Variants in TMEM143 observed in about 807,000 individuals in gnomAD.
The protein encoded by TMEM143 is transmembrane protein 143.
TMEM143 carries 45 observed loss-of-function variants against 40.3 expected under a neutral mutation model. That is an observed-to-expected ratio of 1.12 (90% CI 0.88 to 1.43). TMEM143 has a LOEUF of 1.43. Among genes scored for constraint, TMEM143 ranks in the 40% most tolerant of loss-of-function variants. The pLI is 0.00. For missense variants in TMEM143, 620 were observed against 613.4 expected (o/e 1.01, Z -0.11); for synonymous variants, 299 against 282.7 (o/e 1.06, Z -0.58).
rs201437104 is a variant in TMEM143, at chr19:48,361,533, TTC to T, written c.265-1359_265-1358del. On this transcript the variant is annotated intron_variant, in intron 2 of 7. Transcript: ENST00000293261. ...ATGCCTGGCCTTGAACCACTTCTTC[TTC>T]TTTTTTTTTTTTTGAGATGGAGTCT... 8.5e-3 allele frequency among the ~76,000 whole-genome samples: 562 copies of T among 65,846 alleles called. 8 individuals carry two copies. The highest frequency in any genetic ancestry group is 0.082 in the East Asian group (137 of 1,672). The allele number at this position is 65,846 out of a possible 152,430, so 43.2% of individuals were successfully genotyped here. A position where few individuals can be genotyped will look rare whatever the true frequency, so the allele number is the denominator to read the frequency against.
At chr19:48,352,262 A>AAAACAAAACAAACAAAAAAAAAAAC (rs74518287) in intron 3 of TMEM143, among the ~76,000 whole-genome samples, 7 of 145,186 alleles carry the variant, frequency 4.8e-5, no homozygotes, top group Non-Finnish European at 7.6e-5. Context: ...AAAAAAAAAA[A>AAAACAAAACAAACAAAAAAAAAAAC]CACCATATCT....
chr19:48,345,206 G>A lies in TMEM143; in HGVS notation c.518C>T (p.Thr173Ile). Residue 173 changes from threonine (T) to isoleucine (I), a missense_variant, in exon 4 of 8, where the codon ACC (threonine) becomes ATC (isoleucine). By Grantham distance (89) the Thr-to-Ile change is moderately conservative. Coordinates refer to ENST00000293261, the MANE Select transcript of TMEM143 (RefSeq NM_018273.4). ...QANFSPLSED[T>I]LAYALVVHHP... ...GTGGACCACCAGCGCGTAGGCCAGG[G>A]TGTCCTCAGACAGCGGGGAGAAGTT... 1 of 1,613,680 alleles carries A rather than the reference G, an allele frequency of 6.2e-7. No homozygotes were observed. The highest frequency in any genetic ancestry group is 8.5e-7 in the Non-Finnish European group (1 of 1,179,778).
chr19:48,356,649 G>A (rs1334332114), intron 3 of TMEM143, among the ~76,000 whole-genome samples: 6 of 144,418 alleles, frequency 4.2e-5, no homozygotes, highest in Non-Finnish European at 9.0e-5. Flanking sequence ...CCAGGCTGCA[G>A]TGCAATGGTG....
chr19:48,363,806 G>A, intron 1 of TMEM143, 92 bp downstream of exon 1: 17 of 1,591,392 alleles, frequency 1.1e-5, no homozygotes, highest in Non-Finnish European at 1.5e-5. Context: ...CAGCGAGGTA[G>A]ATCTTAGGAG....
intron 6 of TMEM143, among the ~76,000 whole-genome samples, chr19:48,337,433 G>A (rs34841300): frequency 0.014 from 2,171 of 152,094 alleles, 27 homozygotes; most frequent in Middle Eastern, 0.12. Flanking sequence ...TGTAATCCCA[G>A]CCACTTGGGA....
chr19:48,363,743 G>T, intron 1 of TMEM143, 155 bp downstream of exon 1: 1 of 1,423,564 alleles, frequency 7.0e-7, no homozygotes, highest in Non-Finnish European at 9.7e-7. Flanking sequence ...GTTCTGGGGC[G>T]TTTTTCAGGC....
intron 4 of TMEM143, 134 bp downstream of exon 4, chr19:48,345,026 G>T: frequency 1.0e-6 from 1 of 953,708 alleles, no homozygotes; most frequent in Non-Finnish European, 1.5e-6. Flanking sequence ...CCCCTTCTCT[G>T]AGTTCACCAA....
At chr19:48,334,464 T>TTC (rs1389014031) in intron 6 of TMEM143, among the ~76,000 whole-genome samples, 3 of 50,752 alleles carry the variant, frequency 5.9e-5, no homozygotes, top group Admixed American at 2.2e-4. Flanking sequence ...CTTTCTTTCT[T>TTC]TCTTTCTTTC....
In TMEM143 at chr19:48,360,817, C is replaced by T. The variant is rs558729903; in HGVS notation, c.265-641G>A. Among the ~76,000 whole-genome samples, 8 of 152,142 alleles carry T rather than the reference C, an allele frequency of 5.3e-5. No homozygotes were observed. In the South Asian group the frequency reaches 1.2e-3, roughly 24 times the overall value. ...TTATTATTATGTTGAGACAGAGTCT[C>T]GTTCTGTCACCCAGGCTGGAGCTCA... On this transcript the variant is annotated intron_variant, in intron 2 of 7. Coordinates refer to ENST00000293261, the MANE Select transcript of TMEM143 (RefSeq NM_018273.4).
chr19:48,352,246 C>CAAAAAAAA lies in TMEM143; in HGVS notation c.370-6900_370-6893dup, dbSNP rs1231759805. Among the ~76,000 whole-genome samples the CAAAAAAAA allele has an allele frequency of 2.9e-4, 12 of 41,568 alleles. 3 individuals carry two copies. Among genetic ancestry groups the CAAAAAAAA allele is most frequent in the African/African-American group, 5.0e-4 (5 of 9,964 alleles). The allele number at this position is 41,568 out of a possible 152,430, so 27.3% of individuals were successfully genotyped here. A position where few individuals can be genotyped will look rare whatever the true frequency, so the allele number is the denominator to read the frequency against. ...TGGGTGACAGAGTGAGACTCTGTCT[C>CAAAAAAAA]AAAAAAAAAAAAAAAACACCATATC... On this transcript the variant is annotated intron_variant, in intron 3 of 7. Transcript: ENST00000293261.
chr19:48,338,894 G>A (rs1429546940), intron 6 of TMEM143, among the ~76,000 whole-genome samples: 3 of 152,216 alleles, frequency 2.0e-5, no homozygotes, highest in Non-Finnish European at 4.4e-5. Context: ...TGAGGGTGAG[G>A]GGTGAGCAGG....
intron 5 of TMEM143, 52 bp from the exon 6 acceptor site, chr19:48,342,861 G>A: frequency 1.3e-6 from 2 of 1,538,140 alleles, no homozygotes; most frequent in Non-Finnish European, 1.8e-6. Flanking sequence ...ACTGCCCGGG[G>A]AGCCCCCTCC....
In TMEM143 at chr19:48,334,130, G is replaced by C. The variant is rs1969286815; in HGVS notation, c.1043C>G (p.Ser348Cys). The C allele has an allele frequency of 6.2e-7, 1 of 1,607,328 alleles. No individual in the cohort carries two copies. Among genetic ancestry groups the C allele is most frequent in the Non-Finnish European group, 8.5e-7 (1 of 1,177,528 alleles). The change falls in exon 7 of 8, where the codon TCC (serine) becomes TGC (cysteine). Residue 348 changes from serine to cysteine, a missense_variant. Ser to Cys is a moderately radical substitution (Grantham distance 112, BLOSUM62 -1). Coordinates refer to ENST00000293261, the MANE Select transcript of TMEM143 (RefSeq NM_018273.4). The part of the protein sequence containing the change: ...LAHMLYYRST[S>C]NNSELLSALA... Reference sequence around the variant, plus strand: ...GGCGCTGAGCAGCTCCGAGTTGTTGGACGTACTGCGATAGTACAGCATGTG... The same window carrying C: ...GGCGCTGAGCAGCTCCGAGTTGTTGCACGTACTGCGATAGTACAGCATGTG...
Position 48,333,360 on chromosome 19 carries a change from G to A in TMEM143, c.1239C>T (p.Asn413=), listed in dbSNP as rs1313069386. Residue 413 remains asparagine (N), a synonymous_variant, in exon 8 of 8, where the codon AAC becomes AAT. Coordinates refer to ENST00000293261, the MANE Select transcript of TMEM143 (RefSeq NM_018273.4). The surrounding 1 kb of genome is among the most constrained non-coding windows in gnomAD (Gnocchi z 4.1). ...LAKSGCEVTF[N]GTRALAHLQA... ...GCAGATGCGCCAGGGCCCGAGTTCC[G>A]TTGAAGGTCACCTCACAGCCTGACT... 6.2e-7 allele frequency: 1 copy of A among 1,609,674 alleles called. No homozygotes were observed. The highest frequency in any genetic ancestry group is 1.7e-5 in the Admixed American group (1 of 59,862).
At position 48,334,155 on chromosome 19, in the gene TMEM143, G is replaced by C. The variant is rs1251547366; in HGVS notation, c.1018C>G (p.His340Asp). The C allele has an allele frequency of 1.9e-6, 3 of 1,608,438 alleles. No homozygotes were observed. In the East Asian group the frequency reaches 6.7e-5, roughly 36 times the overall value. ...GACGTACTGCGATAGTACAGCATGTGCGCCAGCTCCAACGCCTGCGCGCTG... is the reference window on the plus strand; with the variant it reads ...GACGTACTGCGATAGTACAGCATGTCCGCCAGCTCCAACGCCTGCGCGCTG... The part of the protein sequence containing the change: ...RRSAQALELA[H>D]MLYYRSTSNN... Residue 340 changes from histidine to aspartate, a missense_variant, in exon 7 of 8, where the codon CAC becomes GAC. His to Asp is a moderately conservative substitution (Grantham distance 81). Transcript: ENST00000293261.
chr19:48,358,018 C>T (rs1287380639), intron 3 of TMEM143, among the ~76,000 whole-genome samples: 1 of 151,984 alleles, frequency 6.6e-6, no homozygotes, highest in Non-Finnish European at 1.5e-5. Flanking sequence ...TCAGAATGCA[C>T]CACTACAGAA....
intron 5 of TMEM143, 26 bp from the exon 6 acceptor site, chr19:48,342,835 G>A (rs774003412): frequency 4.4e-6 from 7 of 1,576,416 alleles, no homozygotes; most frequent in Non-Finnish European, 6.1e-6. Context: ...AGAGGCAGGA[G>A]CAGGATCGGG....
intron 3 of TMEM143, among the ~76,000 whole-genome samples, chr19:48,355,947 A>T (rs530993029): frequency 6.6e-6 from 1 of 151,386 alleles, no homozygotes; most frequent in Admixed American, 6.6e-5. Flanking sequence ...CCCAGTAAAA[A>T]CCCTGGCCAC....
chr19:48,363,251 G>T, intron 2 of TMEM143, 40 bp downstream of exon 2: 1 of 1,575,144 alleles, frequency 6.3e-7, no homozygotes, highest in Non-Finnish European at 8.6e-7. Flanking sequence ...CCTGCTGGGA[G>T]CCGTAGTCCC....
Sources: allele counts gnomAD v4.1 joint callset (sites outside exome capture counted in the v4.1 genomes callset), GRCh38; gene constraint gnomAD v4.1.1; non-coding constraint Gnocchi (gnomAD v3.1); transcripts MANE v1.5; gene names NCBI Gene and HGNC (gene_info 2026-07-23, HGNC 2026-07-21).